Variants in ADGRE5 observed in about 807,000 individuals in gnomAD.
ADGRE5 encodes CD97 molecule.
In ADGRE5, 72 loss-of-function variants were observed where a neutral mutation model predicts 100.3. The ratio of observed to expected loss-of-function variants is 0.72; its 90% CI spans 0.59 to 0.87. ADGRE5 has a LOEUF of 0.87. Ranked by LOEUF, ADGRE5 falls within the 40% of genes least tolerant of loss-of-function variation. ADGRE5 has a pLI of 0.00. For missense variants in ADGRE5, 959 were observed against 1,094.7 expected (o/e 0.88, Z 1.75); for synonymous variants, 439 against 447.8 (o/e 0.98, Z 0.25).
In ADGRE5 at chr19:14,396,454, G is replaced by A. The variant is rs772327908; in HGVS notation, c.459G>A (p.Glu153=). 6.2e-7 allele frequency: 1 copy of A among 1,614,304 alleles called. No homozygotes were observed. The highest frequency in any genetic ancestry group is 8.5e-7 in the Non-Finnish European group (1 of 1,180,054). ...QCLPGFKFIP[E]DPKVCTDVNE... is the part of the protein sequence containing the mutation. ...TGCCTGGCTTCAAGTTCATACCTGAGGATCCGAAGGTCTGCACAGGTAGAG... is the reference window on the plus strand; with the variant it reads ...TGCCTGGCTTCAAGTTCATACCTGAAGATCCGAAGGTCTGCACAGGTAGAG... The change falls in exon 5 of 20, where the codon GAG becomes GAA. Residue 153 remains glutamate, a synonymous_variant. Coordinates refer to ENST00000242786, the MANE Select transcript of ADGRE5 (RefSeq NM_078481.4).
intron 1 of ADGRE5, chr19:14,386,481 G>A (rs907780605): frequency 4.7e-5 from 7 of 150,374 alleles, no homozygotes; most frequent in African/African-American, 1.7e-4. Flanking sequence ...ATGAGGTCAG[G>A]AGATCAAGAC....
Position 14,381,473 on chromosome 19 carries a change from G to T in ADGRE5, c.-51G>T, listed in dbSNP as rs1441405203. 8.1e-6 allele frequency: 13 copies of T among 1,609,332 alleles called. No homozygotes were observed. Among genetic ancestry groups the T allele is most frequent in the Middle Eastern group, 1.6e-4 (1 of 6,070 alleles). On this transcript the variant is annotated 5_prime_UTR_variant, in exon 1 of 20. Transcript: ENST00000242786. ...CTGCCTAGCCTGTGGAGACGGGACA[G>T]CCCTGTCCCACTCACTCTTTCCCCT... is the stretch of plus-strand genomic sequence containing the variant.
Position 14,401,517 on chromosome 19 carries a change from G to A in ADGRE5, c.1029G>A (p.Lys343=), listed in dbSNP as rs956075882. The A allele has an allele frequency of 1.2e-5, 20 of 1,614,050 alleles. No homozygotes were observed. The highest frequency in any genetic ancestry group is 1.5e-5 in the Non-Finnish European group (18 of 1,180,042). ...AAGATATCATGAGGATCCTGGCCAA[G>A]AGCCTGCCTAAAGGCCCCTTCACCT... ...NLEDIMRILA[K]SLPKGPFTYI... is the part of the protein sequence containing the mutation. The change falls in exon 10 of 20, where the codon AAG becomes AAA. Residue 343 remains lysine (K), a synonymous_variant. Transcript: ENST00000242786. This position sits in a 1 kb window ranked among gnomAD's most constrained non-coding sequence, Gnocchi z 4.1.
chr19:14,390,067 ACT>A (rs1018184381), intron 3 of ADGRE5, among the ~76,000 whole-genome samples: 14 of 141,822 alleles, frequency 9.9e-5, no homozygotes, highest in Admixed American at 5.0e-4. Context: ...CAAGAGTGAA[ACT>A]CTGTCTCAAA....
Position 14,389,017 on chromosome 19 carries a change from G to A in ADGRE5, c.190+199G>A, listed in dbSNP as rs145955187. 2.4e-3 allele frequency among the ~76,000 whole-genome samples: 357 copies of A among 147,518 alleles called. 2 individuals are homozygous for A. Among genetic ancestry groups the A allele is most frequent in the Non-Finnish European group, 4.0e-3 (266 of 66,674 alleles). ...TTTGGGAGGCTGAGGCGGGCAGATC[G>A]TTTGAGGCCAGGAGTACTCAGAAGA... is the stretch of plus-strand genomic sequence containing the variant. On this transcript the variant is annotated intron_variant, in intron 3 of 19. Coordinates refer to ENST00000242786, the MANE Select transcript of ADGRE5 (RefSeq NM_078481.4).
At position 14,402,588 on chromosome 19, in the gene ADGRE5, G is replaced by A. The variant is rs1404984251; in HGVS notation, c.1184-9G>A. ...ACGGGAGTAGGCAGCGAGTGTGTCTGTTCCCCAGGCCCCGCCGTGGCGGGC... is the reference window on the plus strand; with the variant it reads ...ACGGGAGTAGGCAGCGAGTGTGTCTATTCCCCAGGCCCCGCCGTGGCGGGC... On this transcript the variant is annotated splice_polypyrimidine_tract_variant and intron_variant, in intron 11 of 19. Transcript: ENST00000242786. The A allele has an allele frequency of 1.9e-6, 3 of 1,613,764 alleles. No homozygotes were observed. The Admixed American group carries it at 5.0e-5, about 27-fold the overall frequency.
chr19:14,387,710 AGAGT>A (rs970501687), intron 1 of ADGRE5, among the ~76,000 whole-genome samples: 39 of 151,306 alleles, frequency 2.6e-4, no homozygotes, highest in African/African-American at 9.5e-4. Context: ...CCTGGGTGAC[AGAGT>A]GAGACTCCGT....
chr19:14,388,910 G>A, intron 3 of ADGRE5, 92 bp downstream of exon 3: 17 of 1,176,160 alleles, frequency 1.4e-5, no homozygotes, highest in Non-Finnish European at 1.9e-5. Context: ...AGGGGCCACA[G>A]CCTTACCTTC....
intron 13 of ADGRE5, 80 bp from the exon 14 acceptor site, chr19:14,405,668 T>G: frequency 5.8e-6 from 6 of 1,040,618 alleles, no homozygotes; most frequent in East Asian, 2.4e-5. Flanking sequence ...CGTCAAAGTG[T>G]GGGGGGGAAA....
At position 14,406,371 on chromosome 19, in the gene ADGRE5, A is replaced by G; in HGVS notation, c.1862A>G (p.Tyr621Cys). 6.3e-7 allele frequency: 1 copy of G among 1,585,488 alleles called. No homozygotes were observed. The highest frequency in any genetic ancestry group is 2.3e-5 in the East Asian group (1 of 43,400). Residue 621 changes from tyrosine to cysteine, a missense_variant, in exon 15 of 20, where the codon TAC becomes TGC. By Grantham distance (194) the Tyr-to-Cys change is radical. Around this residue, in one of 6 missense-constraint regions of ADGRE5, gnomAD observed 428 missense variants for 386.2 expected, o/e 1.11. Transcript: ENST00000242786. This position sits in a 1 kb window ranked among gnomAD's most constrained non-coding sequence, Gnocchi z 6.0. ...CGCCTGGTGGCCGGGCTGCTGCACT[A>G]CTGTTTCCTGGCCGCCTTCTGCTGG... Reference protein sequence around the residue: ...RCRLVAGLLHYCFLAAFCWMS... With the variant: ...RCRLVAGLLHCCFLAAFCWMS...
Position 14,401,901 on chromosome 19 carries a change from T to G in ADGRE5, c.1183+141T>G. Reference sequence around the variant, plus strand: ...ATCCCAGCATTTTGGGAGGCCCAGGTGGGTAGATCGCTTGAGCTCAGAAGT... The same window carrying G: ...ATCCCAGCATTTTGGGAGGCCCAGGGGGGTAGATCGCTTGAGCTCAGAAGT... On this transcript the variant is annotated intron_variant, in intron 11 of 19. Coordinates refer to ENST00000242786, the MANE Select transcript of ADGRE5 (RefSeq NM_078481.4). This position sits in a 1 kb window ranked among gnomAD's most constrained non-coding sequence, Gnocchi z 4.1. The G allele has an allele frequency of 1.9e-6, 1 of 528,418 alleles. No homozygotes were observed. Among genetic ancestry groups the G allele is most frequent in the Non-Finnish European group, 3.2e-6 (1 of 308,084 alleles). The allele number at this position is 528,418 out of a possible 1,614,324, so 32.7% of individuals were successfully genotyped here. A position where few individuals can be genotyped will look rare whatever the true frequency, so the allele number is the denominator to read the frequency against.
At chr19:14,402,164 T>G (rs1976039471) in intron 11 of ADGRE5, among the ~76,000 whole-genome samples, 1 of 149,092 alleles carries the variant, frequency 6.7e-6, no homozygotes, top group Non-Finnish European at 1.5e-5. Flanking sequence ...CAGTGGCTCA[T>G]GCCTGTAGTC....
rs1190993007 is a variant in ADGRE5, at chr19:14,407,127, C to A, written c.2274C>A (p.Phe758Leu). The A allele has an allele frequency of 6.2e-7, 1 of 1,614,172 alleles. No homozygotes were observed. Among genetic ancestry groups the A allele is most frequent in the South Asian group, 1.1e-5 (1 of 91,086 alleles). The change falls in exon 18 of 20, where the codon TTC becomes TTA. Residue 758 changes from phenylalanine to leucine, a missense_variant. Physicochemically the swap from Phe to Leu is conservative, Grantham distance 22. Around this residue, in one of 6 missense-constraint regions of ADGRE5, gnomAD observed 428 missense variants for 386.2 expected, o/e 1.11. Transcript: ENST00000242786. ...LLGCTWVFGL[F>L]IFDDRSLVLT... ...GCTGCACCTGGGTCTTTGGCCTGTT[C>A]ATCTTCGACGATCGGAGCTTGGTGC... is the stretch of plus-strand genomic sequence containing the variant.
At chr19:14,391,726 G>C (rs1446678000) in intron 4 of ADGRE5, among the ~76,000 whole-genome samples, 1 of 152,032 alleles carries the variant, frequency 6.6e-6, no homozygotes, top group Non-Finnish European at 1.5e-5. Flanking sequence ...GACAGAGCAA[G>C]ATCCTGTCTC....
Position 14,401,555 on chromosome 19 carries a change from C to T in ADGRE5, c.1067C>T (p.Ser356Leu), listed in dbSNP as rs370979328. 1.6e-4 allele frequency: 265 copies of T among 1,614,018 alleles called. 1 individual carries two copies. In the South Asian group the frequency reaches 2.7e-3, roughly 16 times the overall value. ...PKGPFTYISP[S>L]NTELTLMIQE... ...GGCCCCTTCACCTACATTTCCCCTT[C>T]GAACACAGGTGAGGCCTTGGCCTGG... Residue 356 changes from serine (S) to leucine (L), a missense_variant, in exon 10 of 20, where the codon TCG (serine) becomes TTG (leucine). Ser to Leu is a moderately radical substitution (Grantham distance 145, BLOSUM62 -2). Transcript: ENST00000242786. The surrounding 1 kb of genome is among the most constrained non-coding windows in gnomAD (Gnocchi z 4.1).
intron 1 of ADGRE5, chr19:14,386,535 T>TA (rs1975359089): frequency 7.3e-6 from 1 of 137,582 alleles, no homozygotes; most frequent in Admixed American, 7.5e-5. Context: ...CTACTAAAAA[T>TA]ACAAAAAAAT....
intron 1 of ADGRE5, among the ~76,000 whole-genome samples, chr19:14,384,335 C>G (rs1250487132): frequency 6.6e-6 from 1 of 152,080 alleles, no homozygotes; most frequent in Non-Finnish European, 1.5e-5. Flanking sequence ...CAATCTGCAC[C>G]CCAAACACCC....
Position 14,406,691 on chromosome 19 carries a change from C to T in ADGRE5, c.2049-9C>T. 1.2e-6 allele frequency: 2 copies of T among 1,614,048 alleles called. No individual in the cohort carries two copies. Among genetic ancestry groups the T allele is most frequent in the Non-Finnish European group, 1.7e-6 (2 of 1,179,924 alleles). ...GGGGCACTGATGGGACCCCTCCCTTCCCTCCTAGCTGCTGGTTGGACTTTG... is the reference window on the plus strand; with the variant it reads ...GGGGCACTGATGGGACCCCTCCCTTTCCTCCTAGCTGCTGGTTGGACTTTG... On this transcript the variant is annotated splice_polypyrimidine_tract_variant and intron_variant, in intron 15 of 19. Transcript: ENST00000242786. This position sits in a 1 kb window ranked among gnomAD's most constrained non-coding sequence, Gnocchi z 6.0.
intron 12 of ADGRE5, among the ~76,000 whole-genome samples, chr19:14,403,819 T>C (rs2146372687): frequency 6.7e-6 from 1 of 148,646 alleles, no homozygotes; most frequent in Non-Finnish European, 1.5e-5. Flanking sequence ...ATGCACTATC[T>C]ACATTACTTA....
Sources: gnomAD v4.1 joint callset for allele counts (sites outside exome capture counted in the v4.1 genomes callset) on GRCh38, gnomAD v4.1.1 for gene constraint, gnomAD v4.1.1 regional missense constraint, Gnocchi (gnomAD v3.1) non-coding constraint, MANE v1.5 for transcripts, NCBI Gene and HGNC (gene_info 2026-07-23, HGNC 2026-07-21) for gene names.